NSA2: variants seen among roughly 807,000 people sequenced by gnomAD.
NSA2 encodes the protein NSA2 ribosome biogenesis factor, also known as ribosome biogenesis protein NSA2 homolog.
Under a neutral mutation model 34.8 loss-of-function variants are expected in NSA2, and 18 were observed. The observed-to-expected ratio is 0.52, with a 90% CI of 0.36 to 0.77. NSA2 has a LOEUF of 0.77. Among genes scored for constraint, NSA2 ranks in the 30% least tolerant of loss-of-function variants. The probability of loss-of-function intolerance (pLI) is 0.00; values close to 1 mark genes in which losing one functional copy is unlikely to be tolerated. For missense variants in NSA2, 188 were observed against 314.7 expected, an observed-to-expected ratio of 0.60 and a Z score of 3.05; for synonymous variants, 79 against 100.2, an observed-to-expected ratio of 0.79 and a Z score of 1.26.
chr5:74,773,815 TCA>T lies in NSA2; in HGVS notation c.523-51_523-50del. 2.1e-6 allele frequency: 3 copies of T among 1,442,706 alleles called. No individual in the cohort carries two copies. In the Admixed American group the frequency reaches 6.0e-5, roughly 29 times the overall value. 89.4% of individuals were successfully genotyped at this position (1,442,706 alleles called of 1,614,324 possible). On this transcript the variant is annotated intron_variant, in intron 4 of 5. Coordinates refer to ENST00000610426, the MANE Select transcript of NSA2 (RefSeq NM_014886.6). ...GATAAGCGAAAACGACCACTACTCATCACTGTTAACATTTTGGACGTAAACAT... is the reference window on the plus strand; with the variant it reads ...GATAAGCGAAAACGACCACTACTCATCTGTTAACATTTTGGACGTAAACAT...
In NSA2 at chr5:74,777,920, G is replaced by C. The variant is rs1055687545; in HGVS notation, c.*1249G>C. Reference sequence around the variant, plus strand: ...ACATACAGACGCTTAGGAAAAGAAAGGCTAGTTCCTTGGAAATGACGATCC... The same window carrying C: ...ACATACAGACGCTTAGGAAAAGAAACGCTAGTTCCTTGGAAATGACGATCC... On this transcript the variant is annotated 3_prime_UTR_variant, in exon 6 of 6. Coordinates refer to ENST00000610426, the MANE Select transcript of NSA2 (RefSeq NM_014886.6). The C allele has an allele frequency of 1.6e-4, 24 of 151,976 alleles. No individual in the cohort carries two copies. The highest frequency in any genetic ancestry group is 5.6e-4 in the African/African-American group (23 of 41,410). 9.4% of individuals were successfully genotyped at this position (151,976 alleles called of 1,614,324 possible).
chr5:74,772,422 G>A (rs945032933), intron 4 of NSA2, among the ~76,000 whole-genome samples: 4 of 152,050 alleles, frequency 2.6e-5, no homozygotes, highest in East Asian at 1.9e-4. Context: ...CCCGGCCAAC[G>A]TGAGTAATTT....
intron 5 of NSA2, among the ~76,000 whole-genome samples, chr5:74,775,143 G>A (rs186784368): frequency 4.6e-5 from 7 of 152,076 alleles, no homozygotes; most frequent in Admixed American, 1.3e-4. Flanking sequence ...TTGAACCTGG[G>A]AGGTGGAGCT....
At chr5:74,774,215 T>G (rs1745037687) in intron 5 of NSA2, among the ~76,000 whole-genome samples, 155 bp downstream of exon 5, 1 of 152,182 alleles carries the variant, frequency 6.6e-6, no homozygotes, top group African/African-American at 2.4e-5. Flanking sequence ...AAAAAATACT[T>G]TATAGAAAAA....
At chr5:74,774,516 A>G (rs1337375151) in intron 5 of NSA2, among the ~76,000 whole-genome samples, 1 of 152,184 alleles carries the variant, frequency 6.6e-6, no homozygotes, top group Non-Finnish European at 1.5e-5. Flanking sequence ...AGGCAGGAGA[A>G]TCACTTGAAC....
At position 74,779,180 on chromosome 5, in the gene NSA2, C is replaced by G. The variant is rs894437248; in HGVS notation, c.*2509C>G. 3 of 152,092 alleles carry G rather than the reference C, an allele frequency of 2.0e-5. No homozygotes were observed. Among genetic ancestry groups the G allele is most frequent in the Non-Finnish European group, 4.4e-5 (3 of 67,970 alleles). The allele number at this position is 152,092 out of a possible 1,614,324, so 9.4% of individuals were successfully genotyped here. On this transcript the variant is annotated 3_prime_UTR_variant, in exon 6 of 6. Coordinates refer to ENST00000610426, the MANE Select transcript of NSA2 (RefSeq NM_014886.6). The stretch of plus-strand genomic sequence containing the variant: ...CAAGTTTAACAAGAATAAGTTTATA[C>G]TGTTAGCCCCCAATGGTCATATATG...
chr5:74,779,229 T>C lies in NSA2; in HGVS notation c.*2558T>C, dbSNP rs1745285434. The C allele has an allele frequency of 6.6e-6, 1 of 152,128 alleles. No individual in the cohort carries two copies. The highest frequency in any genetic ancestry group is 2.1e-4 in the South Asian group (1 of 4,832). 9.4% of individuals were successfully genotyped at this position (152,128 alleles called of 1,614,324 possible). A position where few individuals can be genotyped will look rare whatever the true frequency, so the allele number is the denominator to read the frequency against. On this transcript the variant is annotated 3_prime_UTR_variant, in exon 6 of 6. Coordinates refer to ENST00000610426, the MANE Select transcript of NSA2 (RefSeq NM_014886.6). The stretch of plus-strand genomic sequence containing the variant: ...TGATTAATAAACATTTTTTGTAAAC[T>C]CAACTATATTCACACATCAAGAGTT...
chr5:74,774,825 A>G (rs932995715), intron 5 of NSA2, among the ~76,000 whole-genome samples: 2 of 152,220 alleles, frequency 1.3e-5, no homozygotes, highest in Admixed American at 1.3e-4. Flanking sequence ...CCACAACTTT[A>G]TATTATGTAA....
intron 1 of NSA2, among the ~76,000 whole-genome samples, chr5:74,767,653 C>T (rs146964035): frequency 6.6e-6 from 1 of 152,186 alleles, no homozygotes; most frequent in African/African-American, 2.4e-5. Flanking sequence ...CTGATTTCAC[C>T]ACAAGCGTGG....
At chr5:74,771,138 G>A (rs1429295758) in intron 4 of NSA2, among the ~76,000 whole-genome samples, 1 of 152,042 alleles carries the variant, frequency 6.6e-6, no homozygotes, top group African/African-American at 2.4e-5. Context: ...AAATAAGCTG[G>A]GCGTGGTGGC....
At chr5:74,773,187 A>C (rs1745000576) in intron 4 of NSA2, among the ~76,000 whole-genome samples, 3 of 152,096 alleles carry the variant, frequency 2.0e-5, no homozygotes, top group Non-Finnish European at 4.4e-5. Flanking sequence ...AGGAGAGGGG[A>C]TGTGTTTGTT....
chr5:74,774,102 A>T, intron 5 of NSA2, 42 bp downstream of exon 5: 1 of 1,359,860 alleles, frequency 7.4e-7, no homozygotes, highest in Non-Finnish European at 1.0e-6. Flanking sequence ...GTTCTGCAGT[A>T]CTAATAGAAA....
intron 4 of NSA2, among the ~76,000 whole-genome samples, 177 bp downstream of exon 4, chr5:74,770,987 A>G (rs1006624470): frequency 1.3e-5 from 2 of 152,212 alleles, no homozygotes; most frequent in African/African-American, 4.8e-5. Flanking sequence ...CCACTAGTCA[A>G]AAATCTTTAG....
chr5:74,767,510 C>A, intron 1 of NSA2, 147 bp downstream of exon 1: 1 of 885,238 alleles, frequency 1.1e-6, no homozygotes, highest in Non-Finnish European at 1.8e-6. Context: ...GTGGGGTGGG[C>A]TCTGAGGAGT....
At chr5:74,772,247 C>T (rs967732874) in intron 4 of NSA2, among the ~76,000 whole-genome samples, 1 of 151,788 alleles carries the variant, frequency 6.6e-6, no homozygotes, top group African/African-American at 2.4e-5. Flanking sequence ...GCCTCAGCCT[C>T]CCGAGTAGCT....
intron 5 of NSA2, among the ~76,000 whole-genome samples, chr5:74,775,719 T>G (rs1745092357): frequency 6.6e-6 from 1 of 151,728 alleles, no homozygotes; most frequent in South Asian, 2.1e-4. Flanking sequence ...AAAAATAGAA[T>G]AAATTAACCA....
intron 5 of NSA2, 25 bp downstream of exon 5, chr5:74,774,085 C>T: frequency 6.7e-7 from 1 of 1,491,830 alleles, no homozygotes; most frequent in Non-Finnish European, 9.3e-7. Context: ...GAATACAGGG[C>T]TGCTGTGTTC....
In NSA2 at chr5:74,767,313, C is replaced by G. The variant is rs372005240; in HGVS notation, c.-48C>G. On this transcript the variant is annotated 5_prime_UTR_variant, in exon 1 of 6. Coordinates refer to ENST00000610426, the MANE Select transcript of NSA2 (RefSeq NM_014886.6). ...GTCTTTGAGACCCGAAAATTGAGAGCGTTTTCGCACTCCAGCGGCTGCTCC... is the reference window on the plus strand; with the variant it reads ...GTCTTTGAGACCCGAAAATTGAGAGGGTTTTCGCACTCCAGCGGCTGCTCC... 5.0e-6 allele frequency: 8 copies of G among 1,612,140 alleles called. No individual in the cohort carries two copies. The highest frequency in any genetic ancestry group is 6.8e-6 in the Non-Finnish European group (8 of 1,178,700).
At chr5:74,770,188 G>C (rs1744869830) in intron 3 of NSA2, among the ~76,000 whole-genome samples, 1 of 152,076 alleles carries the variant, frequency 6.6e-6, no homozygotes, top group African/African-American at 2.4e-5. Context: ...AAAATTAGCT[G>C]GGTGTGGTGG....
Sources: allele counts gnomAD v4.1 joint callset (sites outside exome capture counted in the v4.1 genomes callset), GRCh38; gene constraint gnomAD v4.1.1; transcripts MANE v1.5; gene names NCBI Gene and HGNC (gene_info 2026-07-23, HGNC 2026-07-21).